SAMD12: variants seen among roughly 807,000 people sequenced by gnomAD.
The protein encoded by SAMD12 is sterile alpha motif domain containing 12.
A neutral mutation model predicts 15.0 loss-of-function variants in SAMD12; 9 were observed. That is an observed-to-expected ratio of 0.60 (90% CI 0.36 to 1.05). The LOEUF is 1.05. Ranked by LOEUF, SAMD12 falls within the 50% of genes least tolerant of loss-of-function variation. The pLI, the probability that SAMD12 is intolerant of heterozygous loss-of-function variation, is 0.01. For synonymous variants in SAMD12, 86 were observed against 90.1 expected, an observed-to-expected ratio of 0.96 and a Z score of 0.25; for missense variants, 230 against 234.2, an observed-to-expected ratio of 0.98 and a Z score of 0.12.
the SAMD12 span, among the ~76,000 whole-genome samples, chr8:118,164,294 A>T: frequency 6.6e-6 from 1 of 152,182 alleles, no homozygotes; most frequent in Non-Finnish European, 1.5e-5. Flanking sequence ...ATTTTGAAGC[A>T]TCTCCTCTTG....
At chr8:118,151,344 G>T in the SAMD12 span, among the ~76,000 whole-genome samples, 1 of 152,048 alleles carries the variant, frequency 6.6e-6, no homozygotes, top group African/African-American at 2.4e-5. Context: ...AAAATATTTA[G>T]CCATTACCTT....
At chr8:118,606,510 G>A (rs1827988585) in intron 1 of SAMD12, among the ~76,000 whole-genome samples, 1 of 151,978 alleles carries the variant, frequency 6.6e-6, no homozygotes, top group East Asian at 1.9e-4. Flanking sequence ...TTTCAGTGAT[G>A]ATGGCCCTGG....
chr8:118,316,277 G>A (rs1815895369), intron 4 of SAMD12, among the ~76,000 whole-genome samples: 1 of 150,676 alleles, frequency 6.6e-6, no homozygotes, highest in Non-Finnish European at 1.5e-5. Flanking sequence ...GCTCATGCCT[G>A]TAATCTCAGC....
chr8:118,307,119 C>T (rs779326849), intron 4 of SAMD12, among the ~76,000 whole-genome samples: 1 of 152,176 alleles, frequency 6.6e-6, no homozygotes, highest in Non-Finnish European at 1.5e-5. Flanking sequence ...GACCTAACAT[C>T]ACAAGAAAGG....
chr8:118,167,931 G>C, the SAMD12 span, among the ~76,000 whole-genome samples: 5 of 152,144 alleles, frequency 3.3e-5, no homozygotes, highest in Admixed American at 2.0e-4. Context: ...ACATGATTTG[G>C]CTGTGCCACA....
chr8:118,357,329 T>G (rs753242129), intron 4 of SAMD12, among the ~76,000 whole-genome samples: 7 of 152,180 alleles, frequency 4.6e-5, no homozygotes, highest in Non-Finnish European at 7.3e-5. Flanking sequence ...CCTCTGCCTC[T>G]TGGGCTCAAG....
At chr8:118,165,002 T>C in the SAMD12 span, among the ~76,000 whole-genome samples, 1 of 151,846 alleles carries the variant, frequency 6.6e-6, no homozygotes, top group Non-Finnish European at 1.5e-5. Context: ...TGTGTGTGTG[T>C]GTGTGTTTTC....
intron 4 of SAMD12, among the ~76,000 whole-genome samples, chr8:118,304,661 G>T (rs1815220110): frequency 6.6e-6 from 1 of 151,926 alleles, no homozygotes; most frequent in Non-Finnish European, 1.5e-5. Context: ...TCGGGAGGCT[G>T]AGGCAGGGGA....
intron 1 of SAMD12, among the ~76,000 whole-genome samples, chr8:118,615,780 A>T (rs886750393): frequency 6.6e-6 from 1 of 152,218 alleles, no homozygotes; most frequent in Non-Finnish European, 1.5e-5. Context: ...GAAAACAGCA[A>T]GGCAGATGAG....
intron 4 of SAMD12, among the ~76,000 whole-genome samples, chr8:118,279,188 A>T (rs1813548025): frequency 6.6e-6 from 1 of 152,210 alleles, no homozygotes; most frequent in Admixed American, 6.5e-5. Flanking sequence ...AGTGGTCAAA[A>T]AGCTCAATTG....
At chr8:118,616,029 G>A (rs1828230870) in intron 1 of SAMD12, among the ~76,000 whole-genome samples, 1 of 152,116 alleles carries the variant, frequency 6.6e-6, no homozygotes, top group Non-Finnish European at 1.5e-5. Flanking sequence ...AAAACAAAGT[G>A]ATCAATAGAA....
intron 2 of SAMD12, among the ~76,000 whole-genome samples, chr8:118,518,397 A>C (rs749525465): frequency 6.6e-6 from 1 of 152,178 alleles, no homozygotes; most frequent in Non-Finnish European, 1.5e-5. Context: ...TTAAATCTAC[A>C]TCCTGTTAGT....
chr8:118,526,749 C>T (rs1446460710), intron 2 of SAMD12, among the ~76,000 whole-genome samples: 1 of 152,094 alleles, frequency 6.6e-6, no homozygotes. Context: ...AATGTTCACT[C>T]AAGGTCAAAG....
At chr8:118,199,660 T>C (rs1819657765) in intron 4 of SAMD12, among the ~76,000 whole-genome samples, 1 of 152,224 alleles carries the variant, frequency 6.6e-6, no homozygotes, top group Admixed American at 6.5e-5. Context: ...TACAATGGTC[T>C]CTAGTAGCTG....
At chr8:118,209,493 CTG>C (rs1157435951) in intron 4 of SAMD12, among the ~76,000 whole-genome samples, 11 of 152,304 alleles carry the variant, frequency 7.2e-5, no homozygotes, top group Middle Eastern at 3.4e-3. Context: ...TGCTATAAAA[CTG>C]TGTGGACTGG....
At chr8:118,543,478 G>C (rs1180800360) in intron 2 of SAMD12, among the ~76,000 whole-genome samples, 1 of 152,104 alleles carries the variant, frequency 6.6e-6, no homozygotes, top group Non-Finnish European at 1.5e-5. Flanking sequence ...GTTCACAGTG[G>C]AAACCTTAGG....
At chr8:118,426,592 A>T (rs1396707512) in intron 3 of SAMD12, among the ~76,000 whole-genome samples, 1 of 152,168 alleles carries the variant, frequency 6.6e-6, no homozygotes, top group Non-Finnish European at 1.5e-5. Context: ...TCTAGTTATG[A>T]TTTATGAAAC....
chr8:118,337,200 AAG>A (rs912622202), intron 4 of SAMD12, among the ~76,000 whole-genome samples: 2 of 152,154 alleles, frequency 1.3e-5, no homozygotes, highest in African/African-American at 2.4e-5. Flanking sequence ...ATAAAAAAAA[AAG>A]AGAAATTTTC....
intron 3 of SAMD12, among the ~76,000 whole-genome samples, chr8:118,385,592 T>A (rs780632026): frequency 1.3e-5 from 2 of 152,198 alleles, no homozygotes; most frequent in Non-Finnish European, 2.9e-5. Context: ...CATATGCTCA[T>A]ACTGTGTATA....
Sources: allele counts gnomAD v4.1 joint callset (sites outside exome capture counted in the v4.1 genomes callset), GRCh38; gene constraint gnomAD v4.1.1; transcripts MANE v1.5; gene names NCBI Gene and HGNC (gene_info 2026-07-23, HGNC 2026-07-21).